BEST3: variants seen among roughly 807,000 people sequenced by gnomAD.
BEST3 encodes the protein bestrophin-3.
BEST3 carries 50 observed loss-of-function variants against 47.1 expected under a neutral mutation model. The ratio of observed to expected loss-of-function variants is 1.06; its 90% CI spans 0.85 to 1.34. The LOEUF is 1.34. BEST3 is among the 40% of genes most tolerant of loss of function. The pLI, the probability that BEST3 is intolerant of heterozygous loss-of-function variation, is 0.00. For synonymous variants in BEST3, 282 were observed against 298.8 expected (o/e 0.94, Z 0.58); for missense variants, 765 against 817.0 (o/e 0.94, Z 0.78).
intron 9 of BEST3, among the ~76,000 whole-genome samples, chr12:69,646,642 C>T (rs1476623151): frequency 6.6e-6 from 1 of 152,166 alleles, no homozygotes; most frequent in Non-Finnish European, 1.5e-5. Flanking sequence ...AAACCTTTTT[C>T]CCTGCAGAGC....
At chr12:69,691,776 G>A (rs1337730850) in intron 4 of BEST3, among the ~76,000 whole-genome samples, 2 of 152,134 alleles carry the variant, frequency 1.3e-5, no homozygotes, top group East Asian at 1.9e-4. Flanking sequence ...TGGCCACAGA[G>A]CAAGACTCTG....
chr12:69,650,418 T>C (rs1883172547), downstream of BEST3, among the ~76,000 whole-genome samples: 1 of 152,248 alleles, frequency 6.6e-6, no homozygotes, highest in Non-Finnish European at 1.5e-5. Flanking sequence ...ATTGAGGACC[T>C]ATCTGACATA....
intron 2 of BEST3, among the ~76,000 whole-genome samples, chr12:69,695,780 A>G (rs1271923802): frequency 6.6e-6 from 1 of 152,196 alleles, no homozygotes; most frequent in African/African-American, 2.4e-5. Flanking sequence ...ATATCTATAT[A>G]TAAGAGGCAT....
intron 4 of BEST3, among the ~76,000 whole-genome samples, chr12:69,689,877 T>G (rs1189706499): frequency 6.6e-6 from 1 of 152,236 alleles, no homozygotes; most frequent in African/African-American, 2.4e-5. Context: ...GAATCCATCC[T>G]TTCTTAATTG....
chr12:69,672,267 T>C (rs891075142), intron 8 of BEST3, among the ~76,000 whole-genome samples: 1 of 152,092 alleles, frequency 6.6e-6, no homozygotes, highest in African/African-American at 2.4e-5. Flanking sequence ...TTGAAACAAA[T>C]GAAAAATGTG....
intron 9 of BEST3, 33 bp from the exon 10 acceptor site, chr12:69,655,846 T>A: frequency 6.4e-7 from 1 of 1,561,610 alleles, no homozygotes; most frequent in Non-Finnish European, 8.7e-7. Context: ...CCAGGCAGAG[T>A]AGCTTCGGGG....
chr12:69,686,779 C>CAAAAAAAAAAAAAACAA (rs71094728), intron 4 of BEST3, among the ~76,000 whole-genome samples: 85 of 99,390 alleles, frequency 8.6e-4, no homozygotes, highest in African/African-American at 3.3e-3. Flanking sequence ...CTCAAAAAAA[C>CAAAAAAAAAAAAAACAA]AAAAAAAAAA....
intron 4 of BEST3, among the ~76,000 whole-genome samples, chr12:69,685,191 C>A (rs1412352969): frequency 6.6e-6 from 1 of 152,146 alleles, no homozygotes. Flanking sequence ...GGAATAGAGA[C>A]AGACACTCCT....
At chr12:69,689,008 G>GGTT in intron 4 of BEST3, 1 of 730,780 alleles carries the variant, frequency 1.4e-6, no homozygotes, top group Non-Finnish European at 1.7e-6. Flanking sequence ...CAACTGACAA[G>GGTT]AAGGTCCCTC....
chr12:69,664,224 T>C (rs1250184540), intron 9 of BEST3, among the ~76,000 whole-genome samples: 1 of 152,202 alleles, frequency 6.6e-6, no homozygotes, highest in Non-Finnish European at 1.5e-5. Context: ...GCTTATAAAA[T>C]GCAATTTTAA....
At chr12:69,661,460 G>A (rs759462775) in intron 9 of BEST3, 7 of 152,208 alleles carry the variant, frequency 4.6e-5, no homozygotes, top group Non-Finnish European at 8.8e-5. Context: ...CGACTGCCTT[G>A]GAGGGAGCCG....
At chr12:69,669,421 T>C (rs1222606094) in intron 9 of BEST3, among the ~76,000 whole-genome samples, 1 of 152,236 alleles carries the variant, frequency 6.6e-6, no homozygotes, top group Admixed American at 6.5e-5. Flanking sequence ...CTCTCCATCC[T>C]GCTGGTAAAT....
rs764797160 is a variant in BEST3, at chr12:69,671,595, T to C, written c.949-16A>G. On this transcript the variant is annotated splice_polypyrimidine_tract_variant and intron_variant, in intron 8 of 9. Transcript: ENST00000330891. The stretch of plus-strand genomic sequence containing the variant: ...AAAGAGAGACCTAAAATCATTGTTA[T>C]ATTGTTAGAATAACTCAGATGTAAA... The C allele has an allele frequency of 1.2e-6, 2 of 1,611,110 alleles. No individual in the cohort carries two copies. Among genetic ancestry groups the C allele is most frequent in the Non-Finnish European group, 1.7e-6 (2 of 1,177,920 alleles).
rs1400060143 is a variant in BEST3 at position 69,697,698 on chromosome 12, C to T, written c.101G>A (p.Arg34Lys). The T allele has an allele frequency of 1.9e-6, 3 of 1,611,108 alleles. 1 individual carries two copies. Among genetic ancestry groups the T allele is most frequent in the South Asian group, 2.2e-5 (2 of 90,460 alleles). The change falls in exon 2 of 10, where the codon AGG becomes AAG. Residue 34 changes from arginine to lysine, a missense_variant. By Grantham distance (26) the Arg-to-Lys change is conservative. Transcript: ENST00000330891. ...AAGAACAGCAAAAACAATAAATTCC[C>T]TGTACAGTAGTTTGTAGATGCTGCC... ...WRGSIYKLLY[R>K]EFIVFAVLYT...
At chr12:69,648,252 A>T (rs1883101459) in intron 9 of BEST3, among the ~76,000 whole-genome samples, 1 of 152,112 alleles carries the variant, frequency 6.6e-6, no homozygotes, top group Admixed American at 6.6e-5. Flanking sequence ...AGGTGGAGGC[A>T]ATTGGGACAG....
rs3050215 is a variant in BEST3, at chr12:69,687,663, C to CAAAA, written c.481+6007_481+6010dup. 4.8e-4 allele frequency among the ~76,000 whole-genome samples: 61 copies of CAAAA among 126,602 alleles called. 1 individual carries two copies. The highest frequency in any genetic ancestry group is 1.0e-3 in the African/African-American group (35 of 34,140). 83.1% of individuals were successfully genotyped at this position (126,602 alleles called of 152,430 possible). On this transcript the variant is annotated intron_variant, in intron 4 of 9. Coordinates refer to ENST00000330891, the MANE Select transcript of BEST3 (RefSeq NM_032735.3). The stretch of plus-strand genomic sequence containing the variant: ...TGGGCAACTGAGTGAGAACGTGTCT[C>CAAAA]AAAAAAAAAAAAAAAAAGACTCCAA...
intron 4 of BEST3, among the ~76,000 whole-genome samples, chr12:69,682,096 A>AAAAAG (rs1264653107): frequency 4.6e-5 from 7 of 151,518 alleles, no homozygotes; most frequent in African/African-American, 7.3e-5. Flanking sequence ...AAAAAAAAAA[A>AAAAAG]AAGAAGAAAA....
rs563146475 is a variant in BEST3 at position 69,654,039 on chromosome 12, G to T, written c.*868C>A. The T allele has an allele frequency of 1.0e-6, 1 of 985,164 alleles. No homozygotes were observed. The highest frequency in any genetic ancestry group is 1.7e-5 in the African/African-American group (1 of 57,228). The allele number at this position is 985,164 out of a possible 1,614,324, so 61.0% of individuals were successfully genotyped here. A position where few individuals can be genotyped will look rare whatever the true frequency, so the allele number is the denominator to read the frequency against. ...GAAATGTCAATGGCTGCAAGGGCAC[G>T]GGGGGAACCATCACTCCTATATGCC... is the stretch of plus-strand genomic sequence containing the variant. On this transcript the variant is annotated 3_prime_UTR_variant, in exon 10 of 10. Transcript: ENST00000330891.
chr12:69,693,552 A>G (rs1886010695), intron 4 of BEST3, 122 bp downstream of exon 4: 2 of 847,744 alleles, frequency 2.4e-6, no homozygotes, highest in Admixed American at 5.1e-5. Flanking sequence ...GGCATGAGCC[A>G]CCGCGCCCAA....
Sources: allele counts gnomAD v4.1 joint callset (sites outside exome capture counted in the v4.1 genomes callset), GRCh38; gene constraint gnomAD v4.1.1; transcripts MANE v1.5; gene names NCBI Gene and HGNC (gene_info 2026-07-23, HGNC 2026-07-21).